The following KLK12 variants were observed in gnomAD, a reference collection of about 807,000 sequenced individuals.
KLK12 encodes the protein kallikrein-12.
KLK12 carries 23 observed loss-of-function variants against 20.0 expected under a neutral mutation model. That is an observed-to-expected ratio of 1.15 (90% CI 0.83 to 1.63). The LOEUF is 1.63. KLK12 is among the 40% of genes most tolerant of loss of function. The pLI, the probability that KLK12 is intolerant of heterozygous loss-of-function variation, is 0.00. For synonymous variants in KLK12, 147 were observed against 141.9 expected, an observed-to-expected ratio of 1.04 and a Z score of -0.25; for missense variants, 351 against 338.6, an observed-to-expected ratio of 1.04 and a Z score of -0.29.
chr19:51,034,490 G>T (rs1010259596), intron 2 of KLK12, 95 bp downstream of exon 2: 15 of 1,550,292 alleles, frequency 9.7e-6, no homozygotes, highest in Non-Finnish European at 1.2e-5. Flanking sequence ...CAGGCTGGGG[G>T]CCAGAGCTGA....
At position 51,034,107 on chromosome 19, in the gene KLK12, T is replaced by G. The variant is rs1258900666; in HGVS notation, c.70A>C (p.Asn24His). 2 of 1,558,030 alleles carry G rather than the reference T, an allele frequency of 1.3e-6. No homozygotes were observed. Among genetic ancestry groups the G allele is most frequent in the East Asian group, 4.8e-5 (2 of 41,500 alleles). The change falls in exon 3 of 6, where the codon AAT (asparagine) becomes CAT (histidine). Residue 24 changes from asparagine to histidine, a missense_variant. Transcript: ENST00000684732. ...GAGTTACGCCCACACTCAGTGCCAT[T>G]GAAAATCTTCGGTGTGGCTGCCTGG... ...LSQAATPKIF[N>H]GTECGRNSQP...
chr19:51,033,115 C>T (rs1369194537), intron 3 of KLK12, among the ~76,000 whole-genome samples: 1 of 150,626 alleles, frequency 6.6e-6, no homozygotes. Context: ...CCTTGGGAGG[C>T]TGAGGTGTGA....
chr19:51,034,241 GAA>G (rs1369996132), intron 2 of KLK12, 102 bp from the exon 3 acceptor site: 3 of 1,354,086 alleles, frequency 2.2e-6, no homozygotes, highest in Non-Finnish European at 2.1e-6. Context: ...AGAGAGAGGA[GAA>G]AGAGAGACGA....
In KLK12 at chr19:51,034,965, A is replaced by T. The variant is rs1159428429; in HGVS notation, c.-179T>A. On this transcript the variant is annotated 5_prime_UTR_variant, in exon 1 of 6. The change abolishes an upstream ATG in the 5' untranslated region. Transcript: ENST00000684732. ...GCACCTGGCTCCTCAGCCACCTGTC[A>T]TGTTGCTCAACCGGTCCCTTTCCTT... 8.3e-7 allele frequency: 1 copy of T among 1,202,720 alleles called. No homozygotes were observed. Among genetic ancestry groups the T allele is most frequent in the Non-Finnish European group, 1.0e-6 (1 of 959,248 alleles). The allele number at this position is 1,202,720 out of a possible 1,614,324, so 74.5% of individuals were successfully genotyped here.
rs771479878 is a variant in KLK12 at position 51,034,035 on chromosome 19, C to T, written c.142G>A (p.Gly48Arg). 2.1e-5 allele frequency: 33 copies of T among 1,603,376 alleles called. No individual in the cohort carries two copies. The highest frequency in any genetic ancestry group is 1.0e-4 in the South Asian group (9 of 88,932). The change falls in exon 3 of 6, where the codon GGG becomes AGG. Residue 48 changes from glycine (G) to arginine (R), a missense_variant. By Grantham distance (125) the Gly-to-Arg change is moderately radical. Coordinates refer to ENST00000684732, the MANE Select transcript of KLK12 (RefSeq NM_001370125.1). Reference protein sequence around the residue: ...GLFEGTSLRCGGVLIDHRWVL... With the variant: ...GLFEGTSLRCRGVLIDHRWVL... The stretch of plus-strand genomic sequence containing the variant: ...CACCTGTGGTCAATAAGGACACCCC[C>T]GCAGCGCAGGCTGGTGCCCTCAAAC...
In KLK12 at chr19:51,031,716, T is replaced by G. The variant is rs1436894101; in HGVS notation, c.457+160A>C. 3 of 865,364 alleles carry G rather than the reference T, an allele frequency of 3.5e-6. No homozygotes were observed. The African/African-American group carries it at 4.9e-5, about 14-fold the overall frequency. The allele number at this position is 865,364 out of a possible 1,614,324, so 53.6% of individuals were successfully genotyped here. On this transcript the variant is annotated intron_variant, in intron 4 of 5. Coordinates refer to ENST00000684732, the MANE Select transcript of KLK12 (RefSeq NM_001370125.1). ...ACCCCTTTGGCTCCCAAGACCCCAA[T>G]CCACCATAATCTCTGACCCCAAACC...
At position 51,032,127 on chromosome 19, in the gene KLK12, C is replaced by A. The variant is rs748899084; in HGVS notation, c.206G>T (p.Trp69Leu). Residue 69 changes from tryptophan (W) to leucine (L), a missense_variant, in exon 4 of 6, where the codon TGG becomes TTG. Coordinates refer to ENST00000684732, the MANE Select transcript of KLK12 (RefSeq NM_001370125.1). ...TAAHCSGSRY[W>L]VRLGEHSLSQ... is the part of the protein sequence containing the mutation. ...GAGGCTGTGTTCCCCCAGGCGCACC[C>A]AGTACCTGCTGCCGGTGGCGACGGC... 3.2e-5 allele frequency: 51 copies of A among 1,601,230 alleles called. No individual in the cohort carries two copies. The highest frequency in any genetic ancestry group is 4.3e-5 in the Non-Finnish European group (51 of 1,177,510).
chr19:51,032,172 C>T, intron 3 of KLK12, 37 bp from the exon 4 acceptor site: 1 of 1,559,612 alleles, frequency 6.4e-7, no homozygotes, highest in Non-Finnish European at 8.6e-7. Context: ...GGCAGGCACG[C>T]AGTCCCCCAC....
At chr19:51,031,808 G>A (rs766861145) in intron 4 of KLK12, 68 bp downstream of exon 4, 14 of 1,531,252 alleles carry the variant, frequency 9.1e-6, no homozygotes, top group South Asian at 3.4e-5. Context: ...GTCATGATTC[G>A]ACCTCTCGCC....
At chr19:51,032,481 G>A (rs1303646169) in intron 3 of KLK12, among the ~76,000 whole-genome samples, 2 of 148,878 alleles carry the variant, frequency 1.3e-5, no homozygotes, top group Non-Finnish European at 3.0e-5. Context: ...CCACCTCCCA[G>A]GTTCAAGCAA....
At chr19:51,031,378 C>T (rs577758222) in intron 4 of KLK12, among the ~76,000 whole-genome samples, 1 of 151,962 alleles carries the variant, frequency 6.6e-6, no homozygotes, top group Non-Finnish European at 1.5e-5. Context: ...GTCCCCTGAT[C>T]CTAGTTTATT....
At chr19:51,033,143 G>A (rs2091576714) in intron 3 of KLK12, among the ~76,000 whole-genome samples, 1 of 151,502 alleles carries the variant, frequency 6.6e-6, no homozygotes, top group South Asian at 2.1e-4. Flanking sequence ...TTGAGCCCAG[G>A]TGGTTGAGGC....
At chr19:51,032,547 C>T (rs2091570328) in intron 3 of KLK12, among the ~76,000 whole-genome samples, 1 of 151,974 alleles carries the variant, frequency 6.6e-6, no homozygotes, top group Non-Finnish European at 1.5e-5. Flanking sequence ...CCACCATGCC[C>T]AGCTAATTTT....
intron 1 of KLK12, 79 bp downstream of exon 1, chr19:51,034,727 G>A: frequency 6.5e-7 from 1 of 1,540,564 alleles, no homozygotes; most frequent in Non-Finnish European, 8.8e-7. Context: ...GGTCACCAAG[G>A]GGATGACCTG....
At position 51,034,572 on chromosome 19, in the gene KLK12, C is replaced by T. The variant is rs749256610; in HGVS notation, c.37+13G>A. Reference sequence around the variant, plus strand: ...TCGCAGTCCTGCCCTCTCCCTGCTCCGGGAGAACTCACCAAGAACACACAG... The same window carrying T: ...TCGCAGTCCTGCCCTCTCCCTGCTCTGGGAGAACTCACCAAGAACACACAG... On this transcript the variant is annotated intron_variant, in intron 2 of 5. Transcript: ENST00000684732. 1.8e-5 allele frequency: 29 copies of T among 1,609,432 alleles called. No individual in the cohort carries two copies. Among genetic ancestry groups the T allele is most frequent in the Middle Eastern group, 3.4e-4 (2 of 5,922 alleles).
At position 51,034,091 on chromosome 19, in the gene KLK12, C is replaced by A. The variant is rs1204253948; in HGVS notation, c.86G>T (p.Gly29Val). Residue 29 changes from glycine to valine, a missense_variant, in exon 3 of 6, where the codon GGG becomes GTG. Coordinates refer to ENST00000684732, the MANE Select transcript of KLK12 (RefSeq NM_001370125.1). ...TPKIFNGTEC[G>V]RNSQPWQVGL... The stretch of plus-strand genomic sequence containing the variant: ...CACCTGCCACGGCTGTGAGTTACGC[C>A]CACACTCAGTGCCATTGAAAATCTT... The A allele has an allele frequency of 6.4e-7, 1 of 1,565,070 alleles. No homozygotes were observed. The highest frequency in any genetic ancestry group is 8.7e-7 in the Non-Finnish European group (1 of 1,154,178).
At position 51,031,848 on chromosome 19, in the gene KLK12, C is replaced by G. The variant is rs745843016; in HGVS notation, c.457+28G>C. The G allele has an allele frequency of 4.3e-6, 7 of 1,611,680 alleles. No individual in the cohort carries two copies. The South Asian group carries it at 7.7e-5, about 18-fold the overall frequency. On this transcript the variant is annotated intron_variant, in intron 4 of 5. Coordinates refer to ENST00000684732, the MANE Select transcript of KLK12 (RefSeq NM_001370125.1). ...ATCCCAGACTTGTACCCATCCTGAC[C>G]CCTGACCCCTGGCCCTGGGCCCCTT...
intron 3 of KLK12, 145 bp downstream of exon 3, chr19:51,033,835 A>G (rs2091584357): frequency 2.3e-6 from 2 of 877,648 alleles, no homozygotes; most frequent in Non-Finnish European, 3.7e-6. Context: ...CCCACTGCTA[A>G]GGAAGTTCCA....
intron 3 of KLK12, 196 bp downstream of exon 3, chr19:51,033,784 C>T (rs2091583687): frequency 4.7e-6 from 3 of 644,230 alleles, no homozygotes; most frequent in East Asian, 2.8e-5. Context: ...CTCCCCGGCC[C>T]TCCACCCAAC....
Sources: allele counts gnomAD v4.1 joint callset (sites outside exome capture counted in the v4.1 genomes callset), GRCh38; gene constraint gnomAD v4.1.1; transcripts MANE v1.5; gene names NCBI Gene and HGNC (gene_info 2026-07-23, HGNC 2026-07-21).